The following PICK1 variants were observed in gnomAD, a reference collection of about 807,000 sequenced individuals.
PICK1 encodes the protein protein interacting with PRKCA 1.
A neutral mutation model predicts 48.9 loss-of-function variants in PICK1; 23 were observed. The ratio of observed to expected loss-of-function variants is 0.47; its 90% CI spans 0.34 to 0.67. PICK1 has a LOEUF of 0.67. Among genes scored for constraint, PICK1 ranks in the 30% least tolerant of loss-of-function variants. The pLI, the probability that PICK1 is intolerant of heterozygous loss-of-function variation, is 0.01. For missense variants in PICK1, 423 were observed against 557.1 expected, an observed-to-expected ratio of 0.76 and a Z score of 2.42; for synonymous variants, 217 against 228.2, an observed-to-expected ratio of 0.95 and a Z score of 0.44.
At chr22:38,058,431 G>A (rs1287264873) in intron 2 of PICK1, among the ~76,000 whole-genome samples, 1 of 152,184 alleles carries the variant, frequency 6.6e-6, no homozygotes, top group East Asian at 1.9e-4. Flanking sequence ...TAATCGAGCA[G>A]TTGAGAGGTG....
At chr22:38,071,888 T>C (rs1260764037) in intron 8 of PICK1, 144 bp downstream of exon 8, 4 of 744,068 alleles carry the variant, frequency 5.4e-6, no homozygotes, top group Non-Finnish European at 4.9e-6. Context: ...GGATTTGCGA[T>C]GGGCCTGCGG....
intron 3 of PICK1, among the ~76,000 whole-genome samples, chr22:38,063,704 G>A (rs1261189371): frequency 1.4e-5 from 2 of 146,902 alleles, no homozygotes; most frequent in Non-Finnish European, 3.0e-5. Context: ...GTACAGTGAC[G>A]GGATCTCAGC....
intron 3 of PICK1, among the ~76,000 whole-genome samples, chr22:38,060,601 C>T (rs771825459): frequency 2.6e-5 from 4 of 152,140 alleles, no homozygotes; most frequent in African/African-American, 4.8e-5. Flanking sequence ...ATGAGCCATT[C>T]GGCCTCCTGT....
chr22:38,069,607 C>T (rs1360351246), intron 6 of PICK1, among the ~76,000 whole-genome samples: 3 of 152,224 alleles, frequency 2.0e-5, no homozygotes, highest in African/African-American at 7.2e-5. Context: ...AACACTCAGT[C>T]CCCCTCCTAC....
intron 6 of PICK1, among the ~76,000 whole-genome samples, chr22:38,069,616 A>G (rs953711353): frequency 2.6e-5 from 4 of 152,184 alleles, no homozygotes; most frequent in Admixed American, 2.6e-4. Context: ...TCCCCCTCCT[A>G]CCGTCGCCAG....
intron 8 of PICK1, 124 bp downstream of exon 8, chr22:38,071,868 C>T (rs1396091639): frequency 2.4e-6 from 2 of 846,464 alleles, no homozygotes; most frequent in African/African-American, 3.3e-5. Context: ...GGGCCTGGTC[C>T]CAGGTGCTGG....
At chr22:38,063,309 A>G (rs558172986) in intron 3 of PICK1, among the ~76,000 whole-genome samples, 275 of 151,868 alleles carry the variant, frequency 1.8e-3, no homozygotes, top group African/African-American at 6.4e-3. Context: ...GGCACGCGCC[A>G]CCATGCCTGG....
At position 38,069,027 on chromosome 22, in the gene PICK1, G is replaced by C. The variant is rs73419888; in HGVS notation, c.350-6G>C. The C allele has an allele frequency of 6.2e-7, 1 of 1,610,704 alleles. No individual in the cohort carries two copies. The highest frequency in any genetic ancestry group is 1.7e-5 in the Admixed American group (1 of 59,840). ...AGACTCACCAGGTCCTTTGTCCCCC[G>C]CTCAGTGTTGAAGAAAGTCAAGCAC... On this transcript the variant is annotated splice_polypyrimidine_tract_variant and splice_region_variant and intron_variant, in intron 5 of 12. Transcript: ENST00000356976.
In PICK1 at chr22:38,072,984, A is replaced by G. The variant is rs1316376260; in HGVS notation, c.691-16A>G. On this transcript the variant is annotated splice_polypyrimidine_tract_variant and intron_variant, in intron 9 of 12. Transcript: ENST00000356976. ...CCCTGCCGTGACAGCCTCAGCATCCACCCACCCTCTTCCAGATGCTGACGG... is the reference window on the plus strand; with the variant it reads ...CCCTGCCGTGACAGCCTCAGCATCCGCCCACCCTCTTCCAGATGCTGACGG... The G allele has an allele frequency of 6.3e-7, 1 of 1,578,518 alleles. No individual in the cohort carries two copies.
chr22:38,075,458 C>G lies in PICK1; in HGVS notation c.*326C>G, dbSNP rs1022660561. The G allele has an allele frequency of 1.3e-5, 4 of 313,358 alleles. No homozygotes were observed. The highest frequency in any genetic ancestry group is 2.4e-5 in the Non-Finnish European group (4 of 166,782). 19.4% of individuals were successfully genotyped at this position (313,358 alleles called of 1,614,324 possible). A position where few individuals can be genotyped will look rare whatever the true frequency, so the allele number is the denominator to read the frequency against. On this transcript the variant is annotated 3_prime_UTR_variant, in exon 13 of 13. Coordinates refer to ENST00000356976, the MANE Select transcript of PICK1 (RefSeq NM_012407.4). ...AAAGGACTTGGAGGTGGCAGGAGTC[C>G]GAGCCCTGCTCCTTGTGGGCGCTCA...
intron 3 of PICK1, among the ~76,000 whole-genome samples, chr22:38,059,851 CAT>C (rs1264890879): frequency 1.3e-5 from 2 of 152,210 alleles, no homozygotes; most frequent in Non-Finnish European, 2.9e-5. Context: ...GGATTTAAAA[CAT>C]GTAGACACAA....
At chr22:38,069,274 C>A in intron 6 of PICK1, 152 bp downstream of exon 6, 1 of 645,046 alleles carries the variant, frequency 1.6e-6, no homozygotes, top group Non-Finnish European at 2.8e-6. Context: ...CATCTCTGTA[C>A]CCCCAGAGGC....
intron 8 of PICK1, chr22:38,072,129 G>A (rs1014689631): frequency 1.2e-5 from 6 of 494,804 alleles, no homozygotes; most frequent in African/African-American, 7.8e-5. Context: ...TTCCAATCCA[G>A]GTGTCTAGAC....
chr22:38,058,022 C>A, intron 2 of PICK1, 172 bp downstream of exon 2: 1 of 696,160 alleles, frequency 1.4e-6, no homozygotes, highest in Non-Finnish European at 2.6e-6. Flanking sequence ...GGGCTGTGGA[C>A]AGTTAAAGGG....
At position 38,057,737 on chromosome 22, in the gene PICK1, T is replaced by C; in HGVS notation, c.-57-16T>C. On this transcript the variant is annotated splice_polypyrimidine_tract_variant and intron_variant, in intron 1 of 12. Transcript: ENST00000356976. ...GGGTTCCTTAAATCCTATGCTCCTTTCTCTCCCGGATCCAGTTCCCCATTC... is the reference window on the plus strand; with the variant it reads ...GGGTTCCTTAAATCCTATGCTCCTTCCTCTCCCGGATCCAGTTCCCCATTC... 1 of 1,382,046 alleles carries C rather than the reference T, an allele frequency of 7.2e-7. No individual in the cohort carries two copies. Among genetic ancestry groups the C allele is most frequent in the Non-Finnish European group, 1.0e-6 (1 of 968,946 alleles). The allele number at this position is 1,382,046 out of a possible 1,614,324, so 85.6% of individuals were successfully genotyped here. A position where few individuals can be genotyped will look rare whatever the true frequency, so the allele number is the denominator to read the frequency against.
intron 4 of PICK1, among the ~76,000 whole-genome samples, chr22:38,065,977 C>G (rs960041320): frequency 6.6e-6 from 1 of 152,094 alleles, no homozygotes; most frequent in Non-Finnish European, 1.5e-5. Context: ...AGTCCGCCTT[C>G]CTGCCTTAAC....
rs763096477 is a variant in PICK1, at chr22:38,072,588, G to A, written c.668G>A (p.Arg223Gln). Residue 223 changes from arginine to glutamine, a missense_variant, in exon 9 of 13, where the codon CGG (arginine) becomes CAG (glutamine). Arg to Gln is a conservative substitution (Grantham distance 43). This residue lies in a region of PICK1 where 279 missense variants were observed against 417.8 expected (regional missense o/e 0.67). Coordinates refer to ENST00000356976, the MANE Select transcript of PICK1 (RefSeq NM_012407.4). ...AHRSIEKFGI[R>Q]LLKTIKPMLT... Reference sequence around the variant, plus strand: ...CGCAGCATCGAGAAGTTCGGCATTCGGCTTCTGAAAACCATCAAGCCGGTA... The same window carrying A: ...CGCAGCATCGAGAAGTTCGGCATTCAGCTTCTGAAAACCATCAAGCCGGTA... 55 of 1,613,188 alleles carry A rather than the reference G, an allele frequency of 3.4e-5. 1 individual carries two copies. The highest frequency in any genetic ancestry group is 2.5e-4 in the South Asian group (23 of 91,092).
At chr22:38,072,832 C>G (rs972143271) in intron 9 of PICK1, among the ~76,000 whole-genome samples, 168 bp from the exon 10 acceptor site, 3 of 152,166 alleles carry the variant, frequency 2.0e-5, no homozygotes, top group Non-Finnish European at 4.4e-5. Flanking sequence ...ACAGCTTGCC[C>G]TAGGCCTGGC....
Position 38,070,855 on chromosome 22 carries a change from C to G in PICK1, c.457C>G (p.Leu153Val). 6.2e-7 allele frequency: 1 copy of G among 1,613,980 alleles called. No homozygotes were observed. The highest frequency in any genetic ancestry group is 8.5e-7 in the Non-Finnish European group (1 of 1,179,980). Residue 153 changes from leucine (L) to valine (V), a missense_variant, in exon 7 of 13, where the codon CTA (leucine) becomes GTA (valine). Leu to Val is a conservative substitution (Grantham distance 32, BLOSUM62 1). Coordinates refer to ENST00000356976, the MANE Select transcript of PICK1 (RefSeq NM_012407.4). ...ILCNDGLVKR[L>V]EELERTAELY... Reference sequence around the variant, plus strand: ...CCCGACAGATGGGCTTGTCAAGAGGCTAGAGGAGCTGGAGCGGACCGCTGA... The same window carrying G: ...CCCGACAGATGGGCTTGTCAAGAGGGTAGAGGAGCTGGAGCGGACCGCTGA...
Sources: gnomAD v4.1 joint callset for allele counts (sites outside exome capture counted in the v4.1 genomes callset) on GRCh38, gnomAD v4.1.1 for gene constraint, gnomAD v4.1.1 regional missense constraint, MANE v1.5 for transcripts, NCBI Gene and HGNC (gene_info 2026-07-23, HGNC 2026-07-21) for gene names.